The following ABCB11 variants were observed in gnomAD, a reference collection of about 807,000 sequenced individuals.
The protein encoded by ABCB11 is ATP binding cassette subfamily B member 11, also known as bile salt export pump.
Under a neutral mutation model 148.0 loss-of-function variants are expected in ABCB11, and 95 were observed. That is an observed-to-expected ratio of 0.64 (90% CI 0.54 to 0.76). The LOEUF (loss-of-function observed/expected upper bound fraction) is 0.76, where lower values mean the gene tolerates loss of function less well. Ranked by LOEUF, ABCB11 falls within the 30% of genes least tolerant of loss-of-function variation. The pLI, the probability that ABCB11 is intolerant of heterozygous loss-of-function variation, is 0.00. For missense variants in ABCB11, 1,523 were observed against 1,617.8 expected (o/e 0.94, Z 1.01); for synonymous variants, 591 against 555.4 (o/e 1.06, Z -0.90).
In ABCB11 at chr2:168,921,863, CTTTTTT is replaced by C. The variant is rs58414999; in HGVS notation, c.*1753_*1758del. 1.6e-5 allele frequency among the ~76,000 whole-genome samples: 2 copies of C among 123,898 alleles called. No individual in the cohort carries two copies. Among genetic ancestry groups the C allele is most frequent in the African/African-American group, 3.2e-5 (1 of 31,386 alleles). The allele number at this position is 123,898 out of a possible 152,430, so 81.3% of individuals were successfully genotyped here. ...CTTGACCTCTTTTCTTTTTCTTTTT[CTTTTTT>C]TTTTTTTTTCGCTCTGTCGCCCAGG... is the stretch of plus-strand genomic sequence containing the variant. On this transcript the variant is annotated 3_prime_UTR_variant, in exon 28 of 28. Coordinates refer to ENST00000650372, the MANE Select transcript of ABCB11 (RefSeq NM_003742.4).
intron 21 of ABCB11, among the ~76,000 whole-genome samples, chr2:168,939,659 A>C (rs1342214375): frequency 6.6e-6 from 1 of 152,098 alleles, no homozygotes; most frequent in African/African-American, 2.4e-5. Flanking sequence ...TATAATAAGA[A>C]AATAAAATGA....
intron 23 of ABCB11, among the ~76,000 whole-genome samples, chr2:168,934,250 A>G (rs1276301553): frequency 1.3e-5 from 2 of 152,142 alleles, no homozygotes; most frequent in Non-Finnish European, 2.9e-5. Context: ...GGGTGGGTGT[A>G]GTGGAGTGGG....
chr2:168,939,093 G>A lies in ABCB11; in HGVS notation c.2611-2660C>T, dbSNP rs1042008966. On this transcript the variant is annotated intron_variant, in intron 21 of 27. Coordinates refer to ENST00000650372, the MANE Select transcript of ABCB11 (RefSeq NM_003742.4). ...TTGATTCAACTCTTTTTCTGTTGAT[G>A]GATATTTGGGTAGTTTCCAGGGAAT... Among the ~76,000 whole-genome samples, 6 of 142,950 alleles carry A rather than the reference G, an allele frequency of 4.2e-5. No homozygotes were observed. The East Asian group carries it at 1.2e-3, about 29-fold the overall frequency. 93.8% of individuals were successfully genotyped at this position (142,950 alleles called of 152,430 possible).
In ABCB11 at chr2:168,927,334, A is replaced by T; in HGVS notation, c.3440T>A (p.Val1147Glu). The change falls in exon 26 of 28, where the codon GTA becomes GAA. Residue 1147 changes from valine (V) to glutamate (E), a missense_variant. Coordinates refer to ENST00000650372, the MANE Select transcript of ABCB11 (RefSeq NM_003742.4). ...VMIDGHDSKK[V>E]NVQFLRSNIG... ...GTTTGAGCGGAGGAACTGGACATTT[A>T]CTTTTTTGCTGTCATGACCATCTAT... 6.2e-7 allele frequency: 1 copy of T among 1,613,674 alleles called. No individual in the cohort carries two copies. Among genetic ancestry groups the T allele is most frequent in the Non-Finnish European group, 8.5e-7 (1 of 1,179,766 alleles).
chr2:168,945,011 A>T, intron 19 of ABCB11, 50 bp from the exon 20 acceptor site: 3 of 1,245,776 alleles, frequency 2.4e-6, no homozygotes, highest in South Asian at 1.4e-5. Context: ...ATAGAAAAAT[A>T]AATCTATTTA....
chr2:168,929,764 T>C (rs568330400), intron 25 of ABCB11, among the ~76,000 whole-genome samples: 1 of 152,262 alleles, frequency 6.6e-6, no homozygotes, highest in East Asian at 1.9e-4. Flanking sequence ...GTTTACAAAT[T>C]TATAAATAGA....
At position 168,977,029 on chromosome 2, in the gene ABCB11, A is replaced by G. The variant is rs920914706; in HGVS notation, c.1198-342T>C. On this transcript the variant is annotated intron_variant, in intron 11 of 27. Transcript: ENST00000650372. ...TATATATTAACATAATACATATTTA[A>G]TTAATTTATTTAATTGTTATTATTT... Among the ~76,000 whole-genome samples the G allele has an allele frequency of 3.4e-5, 5 of 148,554 alleles. No individual in the cohort carries two copies. In the East Asian group the frequency reaches 9.8e-4, roughly 29 times the overall value.
intron 21 of ABCB11, among the ~76,000 whole-genome samples, chr2:168,938,876 T>C (rs1380790059): frequency 6.6e-6 from 1 of 152,068 alleles, no homozygotes; most frequent in Non-Finnish European, 1.5e-5. Context: ...AAACAAAACA[T>C]AGATACATAT....
chr2:168,939,371 C>T (rs745529969), intron 21 of ABCB11, among the ~76,000 whole-genome samples: 2 of 151,996 alleles, frequency 1.3e-5, no homozygotes, highest in Non-Finnish European at 2.9e-5. Flanking sequence ...CTATTACTCT[C>T]CAAAAAACAT....
intron 27 of ABCB11, 61 bp downstream of exon 27, chr2:168,924,596 C>A: frequency 6.5e-7 from 1 of 1,544,874 alleles, no homozygotes; most frequent in Non-Finnish European, 8.8e-7. Context: ...TTATTAAGGA[C>A]AAATTTTACA....
chr2:169,009,810 T>C (rs188911264), intron 5 of ABCB11, among the ~76,000 whole-genome samples: 7 of 152,240 alleles, frequency 4.6e-5, no homozygotes, highest in Admixed American at 1.3e-4. Flanking sequence ...CTAAAAAACA[T>C]CTAATTGTAC....
At chr2:168,995,210 C>A in intron 7 of ABCB11, 139 bp downstream of exon 7, 1 of 968,638 alleles carries the variant, frequency 1.0e-6, no homozygotes, top group Non-Finnish European at 1.5e-6. Context: ...ATGAAAAAGC[C>A]ATGCCACATA....
intron 16 of ABCB11, 67 bp from the exon 17 acceptor site, chr2:168,968,557 C>T: frequency 7.7e-7 from 1 of 1,291,734 alleles, no homozygotes; most frequent in Non-Finnish European, 1.1e-6. Context: ...AAGTAGAATT[C>T]TTTACTATGT....
Position 168,970,180 on chromosome 2 carries a change from C to G in ABCB11, c.1674G>C (p.Gln558His), listed in dbSNP as rs11568369. Residue 558 changes from glutamine to histidine, a missense_variant, in exon 15 of 28, where the codon CAG (glutamine) becomes CAC (histidine). By Grantham distance (24) the Gln-to-His change is conservative. Transcript: ENST00000650372. ...FDTLVGEGGG[Q>H]MSGGQKQRVA... The stretch of plus-strand genomic sequence containing the variant: ...CCCTTTGTTTCTGGCCACCACTCAT[C>G]TGGCCTCCTCCTTCTCCAACAAGGG... 12 of 1,612,386 alleles carry G rather than the reference C, an allele frequency of 7.4e-6. No individual in the cohort carries two copies. The highest frequency in any genetic ancestry group is 1.1e-5 in the South Asian group (1 of 91,042).
intron 21 of ABCB11, among the ~76,000 whole-genome samples, chr2:168,939,134 G>A (rs1162035066): frequency 6.6e-6 from 1 of 151,600 alleles, no homozygotes; most frequent in Non-Finnish European, 1.5e-5. Context: ...TAATTTTTTG[G>A]TTAATATAAA....
Position 168,993,878 on chromosome 2 carries a change from T to A in ABCB11, c.616A>T (p.Ile206Phe). 1 of 1,605,440 alleles carries A rather than the reference T, an allele frequency of 6.2e-7. No individual in the cohort carries two copies. The highest frequency in any genetic ancestry group is 1.3e-5 in the African/African-American group (1 of 74,600). Reference protein sequence around the residue: ...GELNTRFSDDINKINDAIADQ... With the variant: ...GELNTRFSDDFNKINDAIADQ... ...GCTATGGCATCATTGATTTTATTAA[T>A]ATCACTAGAAACCAGAAAGATTTTG... is the stretch of plus-strand genomic sequence containing the variant. The change falls in exon 8 of 28, where the codon ATT becomes TTT. Residue 206 changes from isoleucine to phenylalanine, a missense_variant. Ile to Phe is a conservative substitution (Grantham distance 21). Transcript: ENST00000650372.
At chr2:168,929,236 G>T (rs759592322) in intron 25 of ABCB11, among the ~76,000 whole-genome samples, 7 of 152,152 alleles carry the variant, frequency 4.6e-5, no homozygotes, top group Non-Finnish European at 1.0e-4. Flanking sequence ...AAAAAGGAAT[G>T]TATGGGAACT....
At chr2:168,983,731 T>C (rs1455438116) in intron 10 of ABCB11, among the ~76,000 whole-genome samples, 1 of 152,166 alleles carries the variant, frequency 6.6e-6, no homozygotes, top group Non-Finnish European at 1.5e-5. Flanking sequence ...GTATTTATCT[T>C]AAAGCAGTAG....
At chr2:168,964,439 A>G in intron 17 of ABCB11, 131 bp from the exon 18 acceptor site, 1 of 744,820 alleles carries the variant, frequency 1.3e-6, no homozygotes, top group South Asian at 1.8e-5. Flanking sequence ...TAACCAGGAA[A>G]GGGAGCTTGC....
Sources: allele counts gnomAD v4.1 joint callset (sites outside exome capture counted in the v4.1 genomes callset), GRCh38; gene constraint gnomAD v4.1.1; transcripts MANE v1.5; gene names NCBI Gene and HGNC (gene_info 2026-07-23, HGNC 2026-07-21).